TBC1D9: variants seen among roughly 807,000 people sequenced by gnomAD.
The protein encoded by TBC1D9 is TBC1 domain family member 9A.
TBC1D9 carries 63 observed loss-of-function variants against 132.0 expected under a neutral mutation model. The observed-to-expected ratio is 0.48, with a 90% CI of 0.39 to 0.59. TBC1D9 has a LOEUF of 0.59. Among genes scored for constraint, TBC1D9 ranks in the 20% least tolerant of loss-of-function variants. The probability of loss-of-function intolerance (pLI) is 0.00; values close to 1 mark genes in which losing one functional copy is unlikely to be tolerated. For synonymous variants in TBC1D9, 610 were observed against 609.9 expected, an observed-to-expected ratio of 1.00 and a Z score of 0.00; for missense variants, 1,261 against 1,592.7, an observed-to-expected ratio of 0.79 and a Z score of 3.54.
intron 6 of TBC1D9, 55 bp from the exon 7 acceptor site, chr4:140,670,981 G>T: frequency 1.3e-6 from 2 of 1,483,904 alleles, no homozygotes; most frequent in Non-Finnish European, 1.9e-6. Context: ...CCCAATAGCA[G>T]CCTATATGCA....
At chr4:140,683,402 G>T (rs2111021978) in intron 3 of TBC1D9, among the ~76,000 whole-genome samples, 1 of 152,216 alleles carries the variant, frequency 6.6e-6, no homozygotes, top group South Asian at 2.1e-4. Context: ...TTCTTAGTTG[G>T]CTATAATTTT....
chr4:140,678,335 G>A (rs1737655806), intron 5 of TBC1D9, among the ~76,000 whole-genome samples: 2 of 152,256 alleles, frequency 1.3e-5, no homozygotes, highest in Middle Eastern at 3.4e-3. Flanking sequence ...GTATCCCTTG[G>A]ACATGCTCTT....
chr4:140,715,227 A>G (rs1168884523), intron 1 of TBC1D9, among the ~76,000 whole-genome samples: 1 of 152,182 alleles, frequency 6.6e-6, no homozygotes, highest in Non-Finnish European at 1.5e-5. Flanking sequence ...TTCCAAAGGA[A>G]GGAGAGTATA....
intron 1 of TBC1D9, 63 bp from the exon 2 acceptor site, chr4:140,701,677 G>T: frequency 7.7e-7 from 1 of 1,297,910 alleles, no homozygotes; most frequent in East Asian, 2.4e-5. Context: ...ACATTCCCAG[G>T]GGCAGCATGA....
intron 1 of TBC1D9, among the ~76,000 whole-genome samples, chr4:140,715,015 G>A (rs764815994): frequency 1.3e-5 from 2 of 152,070 alleles, no homozygotes; most frequent in East Asian, 1.9e-4. Context: ...CTAGCTACTC[G>A]GGAGGCTAAG....
chr4:140,639,624 A>G (rs1736947921), intron 13 of TBC1D9, among the ~76,000 whole-genome samples, 196 bp from the exon 14 acceptor site: 1 of 152,242 alleles, frequency 6.6e-6, no homozygotes, highest in African/African-American at 2.4e-5. Context: ...ATTCTCAGGC[A>G]GCTCAGCAGC....
At chr4:140,669,112 G>T (rs763687862) in intron 8 of TBC1D9, 45 bp from the exon 9 acceptor site, 1 of 1,594,996 alleles carries the variant, frequency 6.3e-7, no homozygotes, top group Admixed American at 1.7e-5. Flanking sequence ...GTACCCTGAG[G>T]ATGGTAAGAG....
intron 2 of TBC1D9, among the ~76,000 whole-genome samples, chr4:140,692,774 C>CT (rs1737896333): frequency 1.3e-5 from 2 of 152,270 alleles, no homozygotes; most frequent in South Asian, 4.2e-4. Flanking sequence ...AATCCCAGCA[C>CT]TTTGAGGGGC....
In TBC1D9 at chr4:140,668,909, G is replaced by A. The variant is rs753929491; in HGVS notation, c.1588+8C>T. 11 of 1,613,314 alleles carry A rather than the reference G, an allele frequency of 6.8e-6. No individual in the cohort carries two copies. Among genetic ancestry groups the A allele is most frequent in the Non-Finnish European group, 9.3e-6 (11 of 1,179,744 alleles). ...TTGACGCCAGCATTCCCAGCCCAGCGGCCGTACCTGACAGCAGCAGCCAGA... is the reference window on the plus strand; with the variant it reads ...TTGACGCCAGCATTCCCAGCCCAGCAGCCGTACCTGACAGCAGCAGCCAGA... On this transcript the variant is annotated splice_region_variant and intron_variant, in intron 9 of 20. Coordinates refer to ENST00000442267, the MANE Select transcript of TBC1D9 (RefSeq NM_015130.3).
At chr4:140,653,822 G>A (rs915698787) in intron 13 of TBC1D9, among the ~76,000 whole-genome samples, 1 of 152,212 alleles carries the variant, frequency 6.6e-6, no homozygotes, top group East Asian at 1.9e-4. Flanking sequence ...GTCTTTCCAG[G>A]CAGAGGAAGG....
Position 140,749,073 on chromosome 4 carries a change from T to C in TBC1D9, c.130+6843A>G, listed in dbSNP as rs188352180. Among the ~76,000 whole-genome samples the C allele has an allele frequency of 5.3e-3, 806 of 151,960 alleles. 6 individuals are homozygous for C. Among genetic ancestry groups the C allele is most frequent in the Non-Finnish European group, 7.9e-3 (534 of 67,928 alleles). On this transcript the variant is annotated intron_variant, in intron 1 of 20. Transcript: ENST00000442267. The stretch of plus-strand genomic sequence containing the variant: ...ATATTTAACATGTCAATTTAAAAAA[T>C]AAAAAATAATGGCCAGGTGCAGTGA...
chr4:140,715,676 A>C (rs1738324294), intron 1 of TBC1D9: 1 of 152,226 alleles, frequency 6.6e-6, no homozygotes, highest in South Asian at 2.1e-4. Flanking sequence ...TGTAATTAAA[A>C]CAATCATGCT....
intron 2 of TBC1D9, among the ~76,000 whole-genome samples, chr4:140,692,208 A>G (rs375552799): frequency 2.6e-5 from 4 of 152,228 alleles, no homozygotes; most frequent in African/African-American, 7.2e-5. Context: ...ATCACATAGC[A>G]GAAAACAAAA....
intron 1 of TBC1D9, among the ~76,000 whole-genome samples, chr4:140,737,950 C>A (rs973647035): frequency 6.6e-6 from 1 of 152,176 alleles, no homozygotes; most frequent in Non-Finnish European, 1.5e-5. Context: ...TCAAGGACCT[C>A]CTGAAATTGC....
Position 140,756,007 on chromosome 4 carries a change from C to A in TBC1D9, c.39G>T (p.Ala13=). 1.2e-6 allele frequency: 2 copies of A among 1,609,764 alleles called. No homozygotes were observed. Among genetic ancestry groups the A allele is most frequent in the South Asian group, 1.1e-5 (1 of 90,738 alleles). ...GGTTGGCCCTCTCGGTGATCCACAGCGCGTTGGCCAGCAACACCTCCTCCG... is the reference window on the plus strand; with the variant it reads ...GGTTGGCCCTCTCGGTGATCCACAGAGCGTTGGCCAGCAACACCTCCTCCG... ...VNPEEVLLAN[A]LWITERANPY... The change falls in exon 1 of 21, where the codon GCG becomes GCT. Residue 13 remains alanine (A), a synonymous_variant. Transcript: ENST00000442267. This position sits in a 1 kb window ranked among gnomAD's most constrained non-coding sequence, Gnocchi z 5.6.
chr4:140,732,184 C>T (rs891767464), intron 1 of TBC1D9, among the ~76,000 whole-genome samples: 5 of 152,014 alleles, frequency 3.3e-5, no homozygotes, highest in East Asian at 3.9e-4. Context: ...GATAAACATA[C>T]GAATAACATA....
intron 2 of TBC1D9, among the ~76,000 whole-genome samples, chr4:140,698,185 C>T (rs1163469312): frequency 6.6e-6 from 1 of 152,136 alleles, no homozygotes; most frequent in Non-Finnish European, 1.5e-5. Context: ...CTACGGGCTC[C>T]CTCTGTGGTG....
intron 5 of TBC1D9, among the ~76,000 whole-genome samples, chr4:140,677,692 A>T (rs1737647235): frequency 6.6e-6 from 1 of 152,100 alleles, no homozygotes; most frequent in Non-Finnish European, 1.5e-5. Flanking sequence ...TCAAGCTTCT[A>T]CCTGACATCA....
Position 140,622,623 on chromosome 4 carries a change from A to G in TBC1D9, c.3373T>C (p.Ser1125Pro), listed in dbSNP as rs1736635951. Reference protein sequence around the residue: ...ASLAPDSEEHSLGGQMEDIKL... With the variant: ...ASLAPDSEEHPLGGQMEDIKL... ...ATGTCCTCCATTTGTCCTCCAAGGG[A>G]GTGTTCCTCGCTGTCGGGGGCCAGG... Residue 1125 changes from serine to proline, a missense_variant, in exon 21 of 21, where the codon TCC (serine) becomes CCC (proline). Physicochemically the swap from Ser to Pro is moderately conservative, Grantham distance 74. Coordinates refer to ENST00000442267, the MANE Select transcript of TBC1D9 (RefSeq NM_015130.3). 1 of 1,612,914 alleles carries G rather than the reference A, an allele frequency of 6.2e-7. No homozygotes were observed. Among genetic ancestry groups the G allele is most frequent in the Non-Finnish European group, 8.5e-7 (1 of 1,179,298 alleles).
Sources: gnomAD v4.1 joint callset for allele counts (sites outside exome capture counted in the v4.1 genomes callset) on GRCh38, gnomAD v4.1.1 for gene constraint, Gnocchi (gnomAD v3.1) non-coding constraint, MANE v1.5 for transcripts, NCBI Gene and HGNC (gene_info 2026-07-23, HGNC 2026-07-21) for gene names.